The following BBX variants were observed in gnomAD, a reference collection of about 807,000 sequenced individuals.
BBX encodes BBX high mobility group box domain containing.
BBX carries 30 observed loss-of-function variants against 100.2 expected under a neutral mutation model. The ratio of observed to expected loss-of-function variants is 0.30; its 90% CI spans 0.22 to 0.41. The LOEUF is 0.41. Among genes scored for constraint, BBX ranks in the 10% least tolerant of loss-of-function variants. The probability of loss-of-function intolerance (pLI) is 1.00; values close to 1 mark genes in which losing one functional copy is unlikely to be tolerated. For synonymous variants in BBX, 376 were observed against 388.1 expected (o/e 0.97, Z 0.37); for missense variants, 1,023 against 1,129.8 (o/e 0.91, Z 1.35).
intron 3 of BBX, among the ~76,000 whole-genome samples, chr3:107,680,280 C>T (rs1189767437): frequency 6.6e-6 from 1 of 152,112 alleles, no homozygotes; most frequent in Non-Finnish European, 1.5e-5. Context: ...CCTGTTTTAC[C>T]TAGAGCTACT....
intron 5 of BBX, 71 bp from the exon 6 acceptor site, chr3:107,728,694 G>A (rs913937750): frequency 3.7e-6 from 5 of 1,361,754 alleles, no homozygotes; most frequent in Non-Finnish European, 5.1e-6. Flanking sequence ...TAGGGGAATG[G>A]GGTGACAGCC....
intron 10 of BBX, among the ~76,000 whole-genome samples, chr3:107,761,315 A>G (rs558435483): frequency 6.6e-6 from 1 of 152,224 alleles, no homozygotes; most frequent in Non-Finnish European, 1.5e-5. Context: ...TGCAGAGCAA[A>G]TAAATATATA....
intron 10 of BBX, among the ~76,000 whole-genome samples, chr3:107,764,553 C>T (rs776862987): frequency 2.6e-5 from 4 of 152,164 alleles, no homozygotes; most frequent in Non-Finnish European, 5.9e-5. Context: ...AATATTTATG[C>T]CCATCATTTG....
rs766871228 is a variant in BBX at position 107,773,409 on chromosome 3, A to T, written c.1688A>T (p.Asn563Ile). 78 of 1,614,012 alleles carry T rather than the reference A, an allele frequency of 4.8e-5. No homozygotes were observed. Among genetic ancestry groups the T allele is most frequent in the Non-Finnish European group, 5.3e-5 (62 of 1,180,018 alleles). ...TTCATTAGTATTTCTGCTAGCAAGA[A>T]CATTTCTGGTGAGACACCAGAGGGT... The part of the protein sequence containing the change: ...PDFISISASK[N>I]ISGETPEGIK... The change falls in exon 11 of 18, where the codon AAC becomes ATC. Residue 563 changes from asparagine (N) to isoleucine (I), a missense_variant. Around this residue, in one of 9 missense-constraint regions of BBX, gnomAD observed 348 missense variants for 353.2 expected, o/e 0.99. Transcript: ENST00000325805. The surrounding 1 kb of genome is among the most constrained non-coding windows in gnomAD (Gnocchi z 4.1).
At chr3:107,753,462 G>A (rs541603068) in intron 9 of BBX, among the ~76,000 whole-genome samples, 1 of 152,214 alleles carries the variant, frequency 6.6e-6, no homozygotes, top group South Asian at 2.1e-4. Flanking sequence ...ATGCTTCCCT[G>A]TACCTGTAAA....
At chr3:107,591,216 AT>A (rs35268307) in intron 2 of BBX, among the ~76,000 whole-genome samples, 23,932 of 150,542 alleles carry the variant, frequency 0.16, 2,425 homozygotes, top group African/African-American at 0.28. Flanking sequence ...CTTTTTAAGG[AT>A]TTTTTTTTTA....
intron 13 of BBX, among the ~76,000 whole-genome samples, chr3:107,785,993 G>A (rs1709896222): frequency 6.6e-6 from 1 of 152,040 alleles, no homozygotes; most frequent in South Asian, 2.1e-4. Context: ...CAGGTTATAA[G>A]GTCATTAGAT....
At chr3:107,692,989 A>G (rs2060291175) in intron 3 of BBX, among the ~76,000 whole-genome samples, 2 of 148,444 alleles carry the variant, frequency 1.3e-5, no homozygotes, top group Admixed American at 6.7e-5. Context: ...GGCTGCATAA[A>G]TGTCTTCTTT....
At chr3:107,780,187 T>A (rs2067732190) in intron 13 of BBX, among the ~76,000 whole-genome samples, 1 of 152,016 alleles carries the variant, frequency 6.6e-6, no homozygotes, top group African/African-American at 2.4e-5. Flanking sequence ...ATACCAAGTA[T>A]CTTGAGCTCC....
chr3:107,783,045 A>G (rs1052649125), intron 13 of BBX, among the ~76,000 whole-genome samples: 1 of 152,088 alleles, frequency 6.6e-6, no homozygotes, highest in Non-Finnish European at 1.5e-5. Context: ...ATAATAATTG[A>G]CTAAGGAAAA....
At chr3:107,744,914 T>C (rs1022425575) in intron 8 of BBX, among the ~76,000 whole-genome samples, 1 of 152,204 alleles carries the variant, frequency 6.6e-6, no homozygotes, top group African/African-American at 2.4e-5. Flanking sequence ...TTATAGAAGC[T>C]TATCATTAAA....
chr3:107,565,477 TTATG>T (rs1210794862), intron 2 of BBX, among the ~76,000 whole-genome samples: 2,577 of 147,858 alleles, frequency 0.017, 72 homozygotes, highest in African/African-American at 0.053. Flanking sequence ...ATTTATTTAT[TTATG>T]TATGTTTGAG....
intron 6 of BBX, among the ~76,000 whole-genome samples, chr3:107,731,616 G>A (rs555068923): frequency 6.6e-6 from 1 of 151,900 alleles, no homozygotes; most frequent in South Asian, 2.1e-4. Flanking sequence ...GCTATTTTTT[G>A]ACCCCCTGAT....
intron 3 of BBX, among the ~76,000 whole-genome samples, chr3:107,690,166 A>T (rs966912508): frequency 3.3e-5 from 5 of 152,212 alleles, no homozygotes; most frequent in African/African-American, 1.2e-4. Flanking sequence ...AATTAAAACG[A>T]ATGTATTAGA....
At chr3:107,608,306 G>T (rs13318899) in intron 2 of BBX, among the ~76,000 whole-genome samples, 4 of 152,046 alleles carry the variant, frequency 2.6e-5, no homozygotes, top group Admixed American at 1.3e-4. Context: ...GGTTTCCCAG[G>T]ATCATTTATT....
At chr3:107,755,505 G>A (rs552668590) in intron 9 of BBX, 93 bp from the exon 10 acceptor site, 8 of 1,119,476 alleles carry the variant, frequency 7.1e-6, no homozygotes, top group African/African-American at 6.1e-5. Context: ...TGATACTCTC[G>A]TAACTAAGAA....
At chr3:107,610,171 G>GT (rs570066558) in intron 2 of BBX, among the ~76,000 whole-genome samples, 5 of 152,094 alleles carry the variant, frequency 3.3e-5, no homozygotes, top group Admixed American at 2.0e-4. Flanking sequence ...ATTTCCATGT[G>GT]TTTAAGTTTC....
intron 3 of BBX, among the ~76,000 whole-genome samples, chr3:107,652,841 C>G (rs1384015511): frequency 6.6e-6 from 1 of 152,204 alleles, no homozygotes; most frequent in Admixed American, 6.5e-5. Context: ...TCTATATAAA[C>G]ACATAAACAT....
chr3:107,683,050 A>C (rs1402026953), intron 3 of BBX, among the ~76,000 whole-genome samples: 6 of 152,192 alleles, frequency 3.9e-5, no homozygotes, highest in Non-Finnish European at 5.9e-5. Context: ...CAGTCAATGC[A>C]TATACCACTC....
Sources: allele counts gnomAD v4.1 joint callset (sites outside exome capture counted in the v4.1 genomes callset), GRCh38; gene constraint gnomAD v4.1.1; regional missense constraint gnomAD v4.1.1; non-coding constraint Gnocchi (gnomAD v3.1); transcripts MANE v1.5; gene names NCBI Gene and HGNC (gene_info 2026-07-23, HGNC 2026-07-21).